The following GRID1 variants were observed in gnomAD, a reference collection of about 807,000 sequenced individuals.
GRID1 encodes the protein glutamate receptor ionotropic, delta-1.
Under a neutral mutation model 98.0 loss-of-function variants are expected in GRID1, and 28 were observed. That is an observed-to-expected ratio of 0.29 (90% CI 0.21 to 0.39). The LOEUF (loss-of-function observed/expected upper bound fraction) is 0.39. Among genes scored for constraint, GRID1 ranks in the 10% least tolerant of loss-of-function variants. GRID1 has a pLI of 1.00. For missense variants in GRID1, 1,111 were observed against 1,340.5 expected (o/e 0.83, Z 2.67); for synonymous variants, 553 against 538.5 (o/e 1.03, Z -0.37).
chr10:86,284,542 C>T (rs543816281), intron 2 of GRID1, among the ~76,000 whole-genome samples: 3 of 152,236 alleles, frequency 2.0e-5, no homozygotes, highest in African/African-American at 4.8e-5. Flanking sequence ...CCTACCACTG[C>T]GGAGTTGAAC....
At position 86,113,043 on chromosome 10, in the gene GRID1, G is replaced by C. The variant is rs147143858; in HGVS notation, c.726+25776C>G. On this transcript the variant is annotated intron_variant, in intron 4 of 15. Coordinates refer to ENST00000327946, the MANE Select transcript of GRID1 (RefSeq NM_017551.3). Reference sequence around the variant, plus strand: ...AGACTAGACCTTTAGCCTCCGATTTGTCCAATACTTGTTAAAGTGAGGCTT... The same window carrying C: ...AGACTAGACCTTTAGCCTCCGATTTCTCCAATACTTGTTAAAGTGAGGCTT... 2.9e-3 allele frequency among the ~76,000 whole-genome samples: 438 copies of C among 152,260 alleles called. 12 individuals carry two copies. The highest frequency in any genetic ancestry group is 0.024 in the Admixed American group (363 of 15,304).
At chr10:85,694,572 A>C (rs1443086705) in intron 12 of GRID1, among the ~76,000 whole-genome samples, 2 of 79,082 alleles carry the variant, frequency 2.5e-5, no homozygotes, top group African/African-American at 1.6e-4. Flanking sequence ...ATATATATAT[A>C]TATATATATA....
intron 8 of GRID1, among the ~76,000 whole-genome samples, chr10:85,756,525 C>A (rs921711854): frequency 2.0e-5 from 3 of 152,090 alleles, no homozygotes; most frequent in Admixed American, 6.5e-5. Flanking sequence ...ACAAAGTGAC[C>A]GACTGGTAGG....
chr10:85,793,636 G>A (rs538316410), intron 8 of GRID1, among the ~76,000 whole-genome samples: 2 of 152,230 alleles, frequency 1.3e-5, no homozygotes, highest in South Asian at 2.1e-4. Context: ...TCTCTGCTAC[G>A]CTCACTGATA....
chr10:85,825,436 G>T (rs1366341332), intron 8 of GRID1, among the ~76,000 whole-genome samples: 4 of 151,338 alleles, frequency 2.6e-5, no homozygotes, highest in Non-Finnish European at 5.9e-5. Flanking sequence ...CTGGATATTA[G>T]TCATTTGTCA....
Position 85,758,741 on chromosome 10 carries a change from G to A in GRID1, c.1234-29127C>T, listed in dbSNP as rs578131643. Among the ~76,000 whole-genome samples, 12 of 152,310 alleles carry A rather than the reference G, an allele frequency of 7.9e-5. No homozygotes were observed. In the South Asian group the frequency reaches 8.3e-4, roughly 11 times the overall value. ...ACCATCAGAATAGTAGCTCACCACA[G>A]CCTATCTTCCTCATAGGGCTATGGA... On this transcript the variant is annotated intron_variant, in intron 8 of 15. Coordinates refer to ENST00000327946, the MANE Select transcript of GRID1 (RefSeq NM_017551.3).
chr10:85,880,015 A>T (rs1467260449), intron 5 of GRID1, among the ~76,000 whole-genome samples: 1 of 152,236 alleles, frequency 6.6e-6, no homozygotes, highest in Non-Finnish European at 1.5e-5. Flanking sequence ...TAAACTAGAA[A>T]ATCTAGAAGA....
At chr10:85,865,383 T>C (rs1431483817) in intron 6 of GRID1, among the ~76,000 whole-genome samples, 2 of 152,142 alleles carry the variant, frequency 1.3e-5, no homozygotes, top group South Asian at 2.1e-4. Context: ...ACAAGCCTCA[T>C]AGAGGATGAC....
At chr10:85,850,245 G>A (rs1843045726) in intron 8 of GRID1, among the ~76,000 whole-genome samples, 2 of 152,198 alleles carry the variant, frequency 1.3e-5, no homozygotes, top group South Asian at 4.1e-4. Context: ...ATGGAGAAAG[G>A]CGAACAGCTT....
intron 2 of GRID1, among the ~76,000 whole-genome samples, chr10:86,302,168 A>G (rs1461759202): frequency 6.6e-6 from 1 of 152,196 alleles, no homozygotes; most frequent in East Asian, 1.9e-4. Flanking sequence ...AGGTCTCTGC[A>G]GGATGTGGCC....
chr10:85,748,553 C>T (rs1000074060), intron 8 of GRID1, among the ~76,000 whole-genome samples: 8 of 152,136 alleles, frequency 5.3e-5, no homozygotes, highest in African/African-American at 1.9e-4. Flanking sequence ...AGTTTGAATC[C>T]TACCTCAATC....
At chr10:86,037,108 G>C (rs928737580) in intron 4 of GRID1, among the ~76,000 whole-genome samples, 18 of 152,180 alleles carry the variant, frequency 1.2e-4, no homozygotes, top group Non-Finnish European at 1.0e-4. Flanking sequence ...TTTCTGGAAC[G>C]GAAAATGGGG....
Position 86,286,900 on chromosome 10 carries a change from G to A in GRID1, c.235+77041C>T, listed in dbSNP as rs1847439360. ...CCCTCAAGACCCATCCCAGCAGAAA[G>A]CCCACTGTGGTATGACCACCACTGC... On this transcript the variant is annotated intron_variant, in intron 2 of 15. Coordinates refer to ENST00000327946, the MANE Select transcript of GRID1 (RefSeq NM_017551.3). 2.0e-5 allele frequency among the ~76,000 whole-genome samples: 3 copies of A among 152,218 alleles called. No homozygotes were observed. In the South Asian group the frequency reaches 6.2e-4, roughly 32 times the overall value.
chr10:85,890,563 A>G (rs990652874), intron 5 of GRID1, among the ~76,000 whole-genome samples: 1 of 152,208 alleles, frequency 6.6e-6, no homozygotes, highest in African/African-American at 2.4e-5. Context: ...GGACTACTGT[A>G]AATTCTCACT....
At chr10:86,165,549 A>C (rs1054980741) in intron 3 of GRID1, among the ~76,000 whole-genome samples, 2 of 152,208 alleles carry the variant, frequency 1.3e-5, no homozygotes, top group Non-Finnish European at 2.9e-5. Flanking sequence ...CCCAGGGCCA[A>C]AGAGGCGGCC....
At chr10:85,834,912 A>AT (rs1482469797) in intron 8 of GRID1, among the ~76,000 whole-genome samples, 2 of 152,212 alleles carry the variant, frequency 1.3e-5, no homozygotes, top group Non-Finnish European at 2.9e-5. Context: ...GGAAGAATAG[A>AT]TTTTTTAAAA....
At chr10:85,740,109 T>A (rs1404872879) in intron 8 of GRID1, among the ~76,000 whole-genome samples, 2 of 152,164 alleles carry the variant, frequency 1.3e-5, no homozygotes, top group Non-Finnish European at 2.9e-5. Context: ...TTTAATTGTT[T>A]CAGGTGTATT....
At chr10:85,686,595 A>G (rs1841271883) in intron 12 of GRID1, among the ~76,000 whole-genome samples, 1 of 152,170 alleles carries the variant, frequency 6.6e-6, no homozygotes, top group South Asian at 2.1e-4. Flanking sequence ...CTATTTGTAA[A>G]TTAGATACAG....
intron 8 of GRID1, among the ~76,000 whole-genome samples, chr10:85,792,177 T>A (rs1182661632): frequency 6.6e-6 from 1 of 152,128 alleles, no homozygotes; most frequent in Non-Finnish European, 1.5e-5. Context: ...ATCTACACCA[T>A]TGAAGGATTA....
Sources: allele counts gnomAD v4.1 joint callset (sites outside exome capture counted in the v4.1 genomes callset), GRCh38; gene constraint gnomAD v4.1.1; transcripts MANE v1.5; gene names NCBI Gene and HGNC (gene_info 2026-07-23, HGNC 2026-07-21).